ASAH2: variants seen among roughly 807,000 people sequenced by gnomAD.
The protein encoded by ASAH2 is N-acylsphingosine amidohydrolase 2.
ASAH2 carries 58 observed loss-of-function variants against 82.9 expected under a neutral mutation model. The observed-to-expected ratio is 0.70, with a 90% CI of 0.57 to 0.87. ASAH2 has a LOEUF of 0.87. ASAH2 is among the 40% of genes least tolerant of loss of function. The pLI, the probability that ASAH2 is intolerant of heterozygous loss-of-function variation, is 0.00. For missense variants in ASAH2, 779 were observed against 834.0 expected, an observed-to-expected ratio of 0.93 and a Z score of 0.81; for synonymous variants, 276 against 289.7, an observed-to-expected ratio of 0.95 and a Z score of 0.48.
At chr10:50,242,343 C>G (rs1260619512) in intron 4 of ASAH2, among the ~76,000 whole-genome samples, 2 of 152,090 alleles carry the variant, frequency 1.3e-5, no homozygotes, top group Non-Finnish European at 2.9e-5. Flanking sequence ...TCTCATTATC[C>G]CTCTCACTGG....
chr10:50,240,528 G>C, intron 4 of ASAH2: 1 of 702,216 alleles, frequency 1.4e-6, no homozygotes, highest in Non-Finnish European at 2.6e-6. Flanking sequence ...CCGCCACTCA[G>C]AAGATTTCTC....
chr10:50,213,690 C>G (rs938051682), intron 9 of ASAH2, among the ~76,000 whole-genome samples: 1 of 152,018 alleles, frequency 6.6e-6, no homozygotes, highest in African/African-American at 2.4e-5. Context: ...GGTAAAACAT[C>G]TTAAATTTCC....
rs1178168763 is a variant in ASAH2, at chr10:50,239,952, C to T, written c.510+3250G>A. On this transcript the variant is annotated intron_variant, in intron 4 of 20. Transcript: ENST00000682911. Reference sequence around the variant, plus strand: ...TCAAGCCATTCTCCTGCCTTGGTCTCCCAAGTGGCTGGGACTACAGGCTCC... The same window carrying T: ...TCAAGCCATTCTCCTGCCTTGGTCTTCCAAGTGGCTGGGACTACAGGCTCC... Among the ~76,000 whole-genome samples, 6 of 150,714 alleles carry T rather than the reference C, an allele frequency of 4.0e-5. No individual in the cohort carries two copies. In the East Asian group the frequency reaches 1.2e-3, roughly 30 times the overall value.
Position 50,213,021 on chromosome 10 carries a change from A to T in ASAH2, c.1178T>A (p.Met393Lys). The T allele has an allele frequency of 6.2e-7, 1 of 1,613,806 alleles. No homozygotes were observed. The highest frequency in any genetic ancestry group is 8.5e-7 in the Non-Finnish European group (1 of 1,179,730). Residue 393 changes from methionine (M) to lysine (K), a missense_variant, in exon 10 of 21, where the codon ATG becomes AAG. Around this residue, in one of 3 missense-constraint regions of ASAH2, gnomAD observed 759 missense variants for 755.2 expected, o/e 1.00. Transcript: ENST00000682911. The stretch of plus-strand genomic sequence containing the variant: ...TCCTATAATTTGTGTGCTGTCAAAC[A>T]TATCCTGTCCAGGTCCCTTAGCAAT... ...MCIAKGPGQDMFDSTQIIGRA... is the reference protein window; with the variant it reads ...MCIAKGPGQDKFDSTQIIGRA...
At position 50,243,273 on chromosome 10, in the gene ASAH2, GTTC is replaced by G. The variant is rs780479054; in HGVS notation, c.436_438del (p.Glu146del). The G allele has an allele frequency of 4.3e-6, 7 of 1,614,104 alleles. No individual in the cohort carries two copies. The highest frequency in any genetic ancestry group is 5.1e-6 in the Non-Finnish European group (6 of 1,180,004). On this transcript the variant is annotated inframe_deletion, in exon 4 of 21. Coordinates refer to ENST00000682911, the MANE Select transcript of ASAH2 (RefSeq NM_019893.4). ...AACACTGTTCGATTGGACCCATCAG[GTTC>G]TGCCATGATGAAGGCACGACTGTAT...
intron 1 of ASAH2, among the ~76,000 whole-genome samples, chr10:50,250,968 A>G (rs1846599151): frequency 6.6e-6 from 1 of 152,196 alleles, no homozygotes; most frequent in Non-Finnish European, 1.5e-5. Flanking sequence ...TAACTTGACC[A>G]CCACCTTTAA....
chr10:50,184,951 A>G lies in ASAH2; in HGVS notation c.*2364T>C, dbSNP rs1844706405. On this transcript the variant is annotated 3_prime_UTR_variant, in exon 21 of 21. Transcript: ENST00000682911. ...ACTCATCAAAAAATCTAGACCTGGA[A>G]AAGAGATTATTCAGTGCTTTTCAAA... 2 of 151,674 alleles carry G rather than the reference A, an allele frequency of 1.3e-5. No individual in the cohort carries two copies. The highest frequency in any genetic ancestry group is 6.6e-5 in the Admixed American group (1 of 15,190). The allele number at this position is 151,674 out of a possible 1,614,324, so 9.4% of individuals were successfully genotyped here. A position where few individuals can be genotyped will look rare whatever the true frequency, so the allele number is the denominator to read the frequency against.
intron 4 of ASAH2, 64 bp from the exon 5 acceptor site, chr10:50,236,128 G>T (rs1846154132): frequency 2.1e-6 from 3 of 1,420,598 alleles, no homozygotes; most frequent in Non-Finnish European, 3.0e-6. Flanking sequence ...ATGAGAAAAG[G>T]CTTTGATGAG....
In ASAH2 at chr10:50,205,626, T is replaced by C. The variant is rs1193957153; in HGVS notation, c.1530+356A>G. ...GAGAAAATTTAGACAGGAACATGTT[T>C]TGTTTTAGATGACCTGAAATATTTT... is the stretch of plus-strand genomic sequence containing the variant. On this transcript the variant is annotated intron_variant, in intron 13 of 20. Coordinates refer to ENST00000682911, the MANE Select transcript of ASAH2 (RefSeq NM_019893.4). Among the ~76,000 whole-genome samples the C allele has an allele frequency of 4.6e-5, 7 of 152,122 alleles. No individual in the cohort carries two copies. In the East Asian group the frequency reaches 1.4e-3, roughly 29 times the overall value.
chr10:50,210,844 C>A lies in ASAH2; in HGVS notation c.1393G>T (p.Gly465Ter), dbSNP rs201529348. 1 of 1,613,322 alleles carries A rather than the reference C, an allele frequency of 6.2e-7. No individual in the cohort carries two copies. The highest frequency in any genetic ancestry group is 8.5e-7 in the Non-Finnish European group (1 of 1,179,320). The part of the protein sequence containing the change: ...SFAAGTIDGV[G>*]GLNFTQGKTE... Reference sequence around the variant, plus strand: ...TTACCCTGTGTAAAATTGAGGCCTCCAACTCCATCAATAGTGCCAGCTGCA... The same window carrying A: ...TTACCCTGTGTAAAATTGAGGCCTCAAACTCCATCAATAGTGCCAGCTGCA... Residue 465 changes from glycine to a stop codon, truncating the protein, a stop_gained, in exon 12 of 21, where the codon GGA (glycine) becomes TGA (stop). Transcript: ENST00000682911. LOFTEE classifies it high-confidence loss of function.
chr10:50,248,512 G>A lies in ASAH2; in HGVS notation c.99C>T (p.Ile33=). Residue 33 remains isoleucine (I), a synonymous_variant, in exon 2 of 21, where the codon ATC becomes ATT. Coordinates refer to ENST00000682911, the MANE Select transcript of ASAH2 (RefSeq NM_019893.4). ...TGTGGTTTTCAATGGTCCCACTGGT[G>A]ATAAACAAGAGGCTGAGAAGGGCCA... ...ITVALLSLLF[I]TSGTIENHKD... The A allele has an allele frequency of 6.2e-7, 1 of 1,613,764 alleles. No homozygotes were observed. The highest frequency in any genetic ancestry group is 8.5e-7 in the Non-Finnish European group (1 of 1,179,746).
chr10:50,204,695 T>C (rs1179207036), intron 14 of ASAH2, among the ~76,000 whole-genome samples, 166 bp downstream of exon 14: 1 of 151,952 alleles, frequency 6.6e-6, no homozygotes, highest in South Asian at 2.1e-4. Context: ...ATAGTTATTC[T>C]TCAGAGGCCC....
intron 7 of ASAH2, among the ~76,000 whole-genome samples, chr10:50,228,541 C>T (rs998740378): frequency 6.6e-6 from 1 of 152,156 alleles, no homozygotes; most frequent in Non-Finnish European, 1.5e-5. Flanking sequence ...TATACTGCAA[C>T]TGAGTTCTGT....
At chr10:50,226,328 T>C (rs1385226789) in intron 7 of ASAH2, among the ~76,000 whole-genome samples, 1 of 152,182 alleles carries the variant, frequency 6.6e-6, no homozygotes, top group African/African-American at 2.4e-5. Context: ...TCCCACTTTT[T>C]AAGAAAAATA....
At chr10:50,242,356 C>G (rs944459957) in intron 4 of ASAH2, among the ~76,000 whole-genome samples, 1 of 152,144 alleles carries the variant, frequency 6.6e-6, no homozygotes, top group Non-Finnish European at 1.5e-5. Flanking sequence ...CTCACTGGCC[C>G]CTTCACACAG....
chr10:50,233,829 G>C (rs1328330475), intron 6 of ASAH2, among the ~76,000 whole-genome samples: 1 of 151,882 alleles, frequency 6.6e-6, no homozygotes, highest in African/African-American at 2.4e-5. Context: ...TTACAAACCT[G>C]GTTCATCACT....
chr10:50,203,833 C>A (rs1845224952), intron 14 of ASAH2, among the ~76,000 whole-genome samples, 154 bp from the exon 15 acceptor site: 2 of 151,918 alleles, frequency 1.3e-5, no homozygotes, highest in South Asian at 4.1e-4. Flanking sequence ...TAAACTTGAA[C>A]TTTTTTTCTG....
intron 10 of ASAH2, among the ~76,000 whole-genome samples, chr10:50,211,900 C>T (rs1265621651): frequency 1.3e-5 from 2 of 152,090 alleles, no homozygotes; most frequent in Non-Finnish European, 2.9e-5. Context: ...GAAGTTGTGC[C>T]TTGCTGAGAA....
At chr10:50,205,760 T>G (rs1845276125) in intron 13 of ASAH2, among the ~76,000 whole-genome samples, 1 of 152,026 alleles carries the variant, frequency 6.6e-6, no homozygotes, top group East Asian at 1.9e-4. Context: ...CTAATTGTTG[T>G]ATTTATTAAT....
Sources: allele counts gnomAD v4.1 joint callset (sites outside exome capture counted in the v4.1 genomes callset), GRCh38; gene constraint gnomAD v4.1.1; regional missense constraint gnomAD v4.1.1; transcripts MANE v1.5; gene names NCBI Gene and HGNC (gene_info 2026-07-23, HGNC 2026-07-21).